The following KHDRBS2 variants were observed in gnomAD, a reference collection of about 807,000 sequenced individuals.
KHDRBS2 encodes the protein KH domain-containing, RNA-binding, signal transduction-associated protein 2.
Under a neutral mutation model 44.3 loss-of-function variants are expected in KHDRBS2, and 26 were observed. The ratio of observed to expected loss-of-function variants is 0.59; its 90% CI spans 0.43 to 0.81. The LOEUF (loss-of-function observed/expected upper bound fraction) is 0.81. Ranked by LOEUF, KHDRBS2 falls within the 40% of genes least tolerant of loss-of-function variation. The pLI, the probability that KHDRBS2 is intolerant of heterozygous loss-of-function variation, is 0.00. For missense variants in KHDRBS2, 476 were observed against 433.1 expected (o/e 1.10, Z -0.88); for synonymous variants, 194 against 151.1 (o/e 1.28, Z -2.08).
chr6:62,249,917 C>T (rs1585418769), intron 1 of KHDRBS2, among the ~76,000 whole-genome samples: 1 of 152,032 alleles, frequency 6.6e-6, no homozygotes, highest in Non-Finnish European at 1.5e-5. Flanking sequence ...AAGGCAGCTT[C>T]CTAGGATGTT....
intron 4 of KHDRBS2, among the ~76,000 whole-genome samples, chr6:61,962,773 G>A (rs1229297604): frequency 6.6e-6 from 1 of 152,024 alleles, no homozygotes; most frequent in Non-Finnish European, 1.5e-5. Context: ...GCCACTCCTA[G>A]GGGTGACAAT....
intron 3 of KHDRBS2, among the ~76,000 whole-genome samples, chr6:62,029,451 A>G (rs1403096970): frequency 1.3e-5 from 2 of 151,940 alleles, no homozygotes; most frequent in Non-Finnish European, 2.9e-5. Flanking sequence ...CTAACAGAAT[A>G]AGCTAAATCT....
chr6:61,865,181 A>G (rs1797597515), intron 6 of KHDRBS2, among the ~76,000 whole-genome samples: 1 of 152,068 alleles, frequency 6.6e-6, no homozygotes, highest in African/African-American at 2.4e-5. Context: ...TTGTTTTATC[A>G]TGATTCTTAG....
intron 6 of KHDRBS2, among the ~76,000 whole-genome samples, chr6:61,867,309 G>A (rs375465404): frequency 2.6e-5 from 4 of 152,162 alleles, no homozygotes; most frequent in South Asian, 2.1e-4. Context: ...ATGAGATCTC[G>A]TGAAACTTAC....
the KHDRBS2 span, among the ~76,000 whole-genome samples, chr6:61,628,210 CTTTTTTTTTTTT>C: frequency 1.5e-4 from 12 of 82,324 alleles, no homozygotes; most frequent in African/African-American, 6.1e-4. Context: ...CATGTGTAGC[CTTTTTTTTTTTT>C]TTTTTTTTTT....
At chr6:62,152,344 A>C (rs1192701150) in intron 2 of KHDRBS2, among the ~76,000 whole-genome samples, 1 of 152,130 alleles carries the variant, frequency 6.6e-6, no homozygotes, top group Non-Finnish European at 1.5e-5. Context: ...AACAAACAAA[A>C]AAATACTTAC....
intron 2 of KHDRBS2, among the ~76,000 whole-genome samples, chr6:62,160,160 CAA>C (rs1052311103): frequency 6.6e-6 from 1 of 151,978 alleles, no homozygotes; most frequent in Admixed American, 6.6e-5. Flanking sequence ...AACAAACAAA[CAA>C]GACATTTTGC....
At chr6:61,892,167 T>C (rs1339647342) in intron 6 of KHDRBS2, among the ~76,000 whole-genome samples, 1 of 152,008 alleles carries the variant, frequency 6.6e-6, no homozygotes, top group African/African-American at 2.4e-5. Flanking sequence ...TCAAAGAGAA[T>C]AAAATACCTA....
chr6:61,616,470 C>CATATATATATATAT, the KHDRBS2 span, among the ~76,000 whole-genome samples: 2 of 145,070 alleles, frequency 1.4e-5, no homozygotes, highest in African/African-American at 5.1e-5. Context: ...AAAGAATATA[C>CATATATATATATAT]ATATATATAT....
intron 4 of KHDRBS2, 33 bp from the exon 5 acceptor site, chr6:61,901,404 A>C (rs1583416318): frequency 6.3e-7 from 1 of 1,580,198 alleles, no homozygotes. Flanking sequence ...TGAGTTAAAA[A>C]TGGGACATGC....
At chr6:61,815,655 C>G (rs1367449480) in intron 6 of KHDRBS2, among the ~76,000 whole-genome samples, 1 of 152,172 alleles carries the variant, frequency 6.6e-6, no homozygotes, top group Non-Finnish European at 1.5e-5. Context: ...TCTGTGAACA[C>G]TTCTATCCCT....
chr6:62,096,249 CTTTG>C (rs761577475), intron 2 of KHDRBS2, among the ~76,000 whole-genome samples: 79 of 151,924 alleles, frequency 5.2e-4, no homozygotes, highest in Non-Finnish European at 1.0e-3. Context: ...GAAGAATTCC[CTTTG>C]TTTCAGTTTT....
At chr6:61,776,880 A>T (rs915064477) in intron 6 of KHDRBS2, among the ~76,000 whole-genome samples, 3 of 152,210 alleles carry the variant, frequency 2.0e-5, no homozygotes, top group African/African-American at 7.2e-5. Flanking sequence ...AAATACTTGG[A>T]TCCAACCTAA....
Position 61,924,586 on chromosome 6 carries a change from T to C in KHDRBS2, c.484-23215A>G, listed in dbSNP as rs144223861. ...TAGTCTTTTGATTTTATTCATTGTA[T>C]CTTTTACTGTTTATTTTTATCATTG... On this transcript the variant is annotated intron_variant, in intron 4 of 8. Coordinates refer to ENST00000281156, the MANE Select transcript of KHDRBS2 (RefSeq NM_152688.4). Among the ~76,000 whole-genome samples the C allele has an allele frequency of 1.4e-4, 22 of 152,100 alleles. 1 individual carries two copies. In the East Asian group the frequency reaches 4.1e-3, roughly 28 times the overall value.
At chr6:61,565,587 G>A in the KHDRBS2 span, among the ~76,000 whole-genome samples, 1 of 152,128 alleles carries the variant, frequency 6.6e-6, no homozygotes, top group South Asian at 2.1e-4. Context: ...CTAATAATCA[G>A]AGAAATGCAA....
At chr6:61,937,399 T>C (rs1276796655) in intron 4 of KHDRBS2, among the ~76,000 whole-genome samples, 2 of 152,230 alleles carry the variant, frequency 1.3e-5, no homozygotes, top group Non-Finnish European at 2.9e-5. Flanking sequence ...AAGATACTTC[T>C]ACTACTCTTC....
chr6:61,951,692 T>C (rs1764777030), intron 4 of KHDRBS2, among the ~76,000 whole-genome samples: 1 of 152,068 alleles, frequency 6.6e-6, no homozygotes, highest in South Asian at 2.1e-4. Flanking sequence ...TGTAAATTAC[T>C]GAACACTCAC....
intron 3 of KHDRBS2, among the ~76,000 whole-genome samples, chr6:62,039,283 C>CAG: frequency 6.6e-6 from 1 of 150,798 alleles, no homozygotes; most frequent in Non-Finnish European, 1.5e-5. Context: ...CACACACACA[C>CAG]AAACACACAC....
intron 4 of KHDRBS2, among the ~76,000 whole-genome samples, chr6:61,912,456 G>T (rs1806225940): frequency 6.6e-6 from 1 of 152,102 alleles, no homozygotes; most frequent in South Asian, 2.1e-4. Context: ...TCCTTTCAAT[G>T]GTTGTAAATT....
Sources: allele counts gnomAD v4.1 joint callset (sites outside exome capture counted in the v4.1 genomes callset), GRCh38; gene constraint gnomAD v4.1.1; transcripts MANE v1.5; gene names NCBI Gene and HGNC (gene_info 2026-07-23, HGNC 2026-07-21).